Variants in NRDC observed in about 807,000 individuals in gnomAD.
NRDC encodes the protein nardilysin.
Under a neutral mutation model 147.1 loss-of-function variants are expected in NRDC, and 54 were observed. The ratio of observed to expected loss-of-function variants is 0.37; its 90% CI spans 0.29 to 0.46. The LOEUF is 0.46. Among genes scored for constraint, NRDC ranks in the 20% least tolerant of loss-of-function variants. NRDC has a pLI of 1.00. For missense variants in NRDC, 1,082 were observed against 1,370.6 expected (o/e 0.79, Z 3.33); for synonymous variants, 440 against 482.1 (o/e 0.91, Z 1.14).
chr1:51,812,687 T>A (rs1679783219), intron 14 of NRDC, among the ~76,000 whole-genome samples: 1 of 152,210 alleles, frequency 6.6e-6, no homozygotes, highest in African/African-American at 2.4e-5. Flanking sequence ...TATGAATGCC[T>A]GTTTACCAGT....
At chr1:51,810,738 A>G (rs1557905617) in intron 15 of NRDC, among the ~76,000 whole-genome samples, 1 of 152,216 alleles carries the variant, frequency 6.6e-6, no homozygotes, top group African/African-American at 2.4e-5. Context: ...TTTAACATAC[A>G]TTATTTCATT....
rs1328832336 is a variant in NRDC, at chr1:51,790,984, TTCAGAACTGAAACAAAACATCTTCAA to T, written c.2961-20_2966del. ...ACTCTTCTATCTTCTTATCAACAACTTCAGAACTGAAACAAAACATCTTCAATCAGAACTAAAACAAAACATCTTCA... is the reference window on the plus strand; with the variant it reads ...ACTCTTCTATCTTCTTATCAACAACTTCAGAACTAAAACAAAACATCTTCA... On this transcript the variant is annotated splice_acceptor_variant and splice_polypyrimidine_tract_variant and coding_sequence_variant and intron_variant, in exon 28 of 31. Coordinates refer to ENST00000352171, the MANE Select transcript of NRDC (RefSeq NM_001101662.2). LOFTEE classifies it high-confidence loss of function. 2 of 1,609,528 alleles carry T rather than the reference TTCAGAACTGAAACAAAACATCTTCAA, an allele frequency of 1.2e-6. No individual in the cohort carries two copies. The highest frequency in any genetic ancestry group is 2.3e-5 in the East Asian group (1 of 44,352).
intron 5 of NRDC, among the ~76,000 whole-genome samples, chr1:51,826,763 A>G (rs372368770): frequency 9.8e-5 from 15 of 152,324 alleles, no homozygotes; most frequent in African/African-American, 3.1e-4. Context: ...GTGTGTGTAT[A>G]TACATATATA....
intron 26 of NRDC, 109 bp from the exon 27 acceptor site, chr1:51,791,770 G>T: frequency 1.1e-6 from 1 of 914,204 alleles, no homozygotes; most frequent in Non-Finnish European, 1.7e-6. Flanking sequence ...TATTGGAACT[G>T]GAAGTCCTGA....
At chr1:51,823,552 T>C (rs75096647) in intron 7 of NRDC, 112 bp downstream of exon 7, 1 of 158,026 alleles carries the variant, frequency 6.3e-6, no homozygotes, top group Non-Finnish European at 9.8e-6. Flanking sequence ...TTACTTTGTA[T>C]TAAGGTCAAG....
At chr1:51,844,881 GGAAGGA>G (rs1681475588) in intron 1 of NRDC, among the ~76,000 whole-genome samples, 1 of 135,998 alleles carries the variant, frequency 7.4e-6, no homozygotes, top group Non-Finnish European at 1.6e-5. Context: ...AAGGAAGGAA[GGAAGGA>G]AACCAAATAG....
At chr1:51,796,307 C>T (rs1351369886) in intron 22 of NRDC, among the ~76,000 whole-genome samples, 3 of 151,734 alleles carry the variant, frequency 2.0e-5, no homozygotes, top group Non-Finnish European at 4.4e-5. Context: ...GGCGTGATCT[C>T]GGCTCACTGC....
chr1:51,827,603 A>G (rs906093225), intron 5 of NRDC, among the ~76,000 whole-genome samples, 193 bp downstream of exon 5: 1 of 152,108 alleles, frequency 6.6e-6, no homozygotes, highest in Non-Finnish European at 1.5e-5. Flanking sequence ...AAAATCCACC[A>G]TCCTTTTCAT....
rs1462771044 is a variant in NRDC, at chr1:51,825,235, T to C, written c.1036+52A>G. ...TCAATTCTTTATCAACTTTTCTTAT[T>C]CTAAATCTTAACTAGAAAATATGAA... is the stretch of plus-strand genomic sequence containing the variant. On this transcript the variant is annotated intron_variant, in intron 6 of 30. Coordinates refer to ENST00000352171, the MANE Select transcript of NRDC (RefSeq NM_001101662.2). The C allele has an allele frequency of 1.3e-5, 15 of 1,180,022 alleles. No homozygotes were observed. In the Admixed American group the frequency reaches 2.2e-4, roughly 17 times the overall value. The allele number at this position is 1,180,022 out of a possible 1,614,324, so 73.1% of individuals were successfully genotyped here.
Position 51,789,416 on chromosome 1 carries a change from C to T in NRDC, c.3276G>A (p.Lys1092=), listed in dbSNP as rs1557892432. ...GGGTACCATCCTCTTCCAGTTCATACTTCCCATATCCAACAACCTGAAAGA... is the reference window on the plus strand; with the variant it reads ...GGGTACCATCCTCTTCCAGTTCATATTTCCCATATCCAACAACCTGAAAGA... ...MLSVHVVGYG[K]YELEEDGTPS... The change falls in exon 31 of 31, where the codon AAG becomes AAA. Residue 1092 remains lysine (K), a synonymous_variant. Transcript: ENST00000352171. 3 of 1,614,086 alleles carry T rather than the reference C, an allele frequency of 1.9e-6. No individual in the cohort carries two copies. In the East Asian group the frequency reaches 6.7e-5, roughly 36 times the overall value.
rs768435015 is a variant in NRDC at position 51,789,674 on chromosome 1, A to AGAT, written c.3169-20_3169-18dup. 2.6e-6 allele frequency: 4 copies of AGAT among 1,559,062 alleles called. No individual in the cohort carries two copies. Among genetic ancestry groups the AGAT allele is most frequent in the East Asian group, 4.5e-5 (2 of 44,330 alleles). ...TGCTTCAATCTTACAAGGGAAGGGA[A>AGAT]GATAGGAAAGAAATTCAAGAAGAAA... is the stretch of plus-strand genomic sequence containing the variant. On this transcript the variant is annotated splice_polypyrimidine_tract_variant and intron_variant, in intron 29 of 30. Transcript: ENST00000352171.
At chr1:51,869,843 C>T (rs1053085773) in intron 1 of NRDC, among the ~76,000 whole-genome samples, 2 of 152,186 alleles carry the variant, frequency 1.3e-5, no homozygotes, top group African/African-American at 4.8e-5. Flanking sequence ...GTATCATTTG[C>T]ACTTCTGTAA....
At chr1:51,798,598 C>G (rs1679043649) in intron 21 of NRDC, 187 bp from the exon 22 acceptor site, 1 of 519,504 alleles carries the variant, frequency 1.9e-6, no homozygotes, top group Non-Finnish European at 3.4e-6. Flanking sequence ...CATACACAAA[C>G]TTTAAACAAA....
chr1:51,848,658 T>C (rs1557929364), intron 1 of NRDC, among the ~76,000 whole-genome samples: 2 of 152,166 alleles, frequency 1.3e-5, no homozygotes, highest in Admixed American at 1.3e-4. Flanking sequence ...AATCAGTAGC[T>C]TTCCTATACA....
chr1:51,818,062 T>C lies in NRDC; in HGVS notation c.1361+4A>G, dbSNP rs1487111855. The stretch of plus-strand genomic sequence containing the variant: ...ATGAAGTAAATTTTCCCTTAAACTC[T>C]TACCTGTAATGTTGCTGTTGAGGAG... On this transcript the variant is annotated splice_donor_region_variant and intron_variant, in intron 10 of 30. Transcript: ENST00000352171. 2 of 1,605,052 alleles carry C rather than the reference T, an allele frequency of 1.2e-6. No homozygotes were observed. The highest frequency in any genetic ancestry group is 1.7e-6 in the Non-Finnish European group (2 of 1,176,266).
intron 2 of NRDC, among the ~76,000 whole-genome samples, chr1:51,839,382 T>C (rs534147174): frequency 6.6e-6 from 1 of 152,236 alleles, no homozygotes; most frequent in East Asian, 1.9e-4. Flanking sequence ...TAGGCTAGTC[T>C]CAGAACTCCT....
chr1:51,804,010 A>C (rs1679333710), intron 19 of NRDC, 46 bp from the exon 20 acceptor site: 1 of 1,506,068 alleles, frequency 6.6e-7, no homozygotes, highest in African/African-American at 1.4e-5. Flanking sequence ...GGTAAGAAAG[A>C]CACATGAAAT....
At chr1:51,794,914 C>A in intron 22 of NRDC, 60 bp from the exon 23 acceptor site, 1 of 1,605,376 alleles carries the variant, frequency 6.2e-7, no homozygotes. Flanking sequence ...CACCCAGAAT[C>A]AGCTAATATC....
intron 2 of NRDC, 152 bp from the exon 3 acceptor site, chr1:51,836,364 C>G: frequency 6.2e-7 from 1 of 1,613,442 alleles, no homozygotes. Flanking sequence ...CAAAGTGAAA[C>G]TCACCAGAAC....
Sources: allele counts gnomAD v4.1 joint callset (sites outside exome capture counted in the v4.1 genomes callset), GRCh38; gene constraint gnomAD v4.1.1; transcripts MANE v1.5; gene names NCBI Gene and HGNC (gene_info 2026-07-23, HGNC 2026-07-21).